AKAP6: variants seen among roughly 807,000 people sequenced by gnomAD.
The protein encoded by AKAP6 is A-kinase anchor protein 6.
A neutral mutation model predicts 188.5 loss-of-function variants in AKAP6; 58 were observed. That is an observed-to-expected ratio of 0.31 (90% CI 0.25 to 0.38). The LOEUF (loss-of-function observed/expected upper bound fraction) is 0.38. Among genes scored for constraint, AKAP6 ranks in the 10% least tolerant of loss-of-function variants. AKAP6 has a pLI of 1.00. For missense variants in AKAP6, 2,710 were observed against 2,740.0 expected, an observed-to-expected ratio of 0.99 and a Z score of 0.24; for synonymous variants, 989 against 998.6, an observed-to-expected ratio of 0.99 and a Z score of 0.18.
chr14:32,380,294 C>T (rs1478105280), intron 1 of AKAP6, among the ~76,000 whole-genome samples: 10 of 152,148 alleles, frequency 6.6e-5, no homozygotes, highest in South Asian at 4.1e-4. Context: ...GAGTTCCCAC[C>T]GGCCCCCCGT....
At chr14:32,583,708 G>A (rs1467691643) in intron 5 of AKAP6, among the ~76,000 whole-genome samples, 1 of 152,196 alleles carries the variant, frequency 6.6e-6, no homozygotes, top group Non-Finnish European at 1.5e-5. Context: ...CCTCGCTGCT[G>A]CCTTGCAGTT....
chr14:32,354,744 A>G (rs1887420680), intron 1 of AKAP6, among the ~76,000 whole-genome samples: 1 of 152,234 alleles, frequency 6.6e-6, no homozygotes, highest in African/African-American at 2.4e-5. Context: ...CAGCTCGTAA[A>G]CTAAAGCAAT....
chr14:32,404,386 G>A (rs1267215420), intron 1 of AKAP6, among the ~76,000 whole-genome samples: 1 of 151,924 alleles, frequency 6.6e-6, no homozygotes, highest in Non-Finnish European at 1.5e-5. Flanking sequence ...GAGTGCTTAT[G>A]CTAAGTGAGG....
intron 7 of AKAP6, among the ~76,000 whole-genome samples, chr14:32,625,415 G>A (rs922449803): frequency 8.6e-5 from 13 of 152,034 alleles, no homozygotes; most frequent in Admixed American, 7.9e-4. Flanking sequence ...CCATTAAGGT[G>A]TGCATAAACC....
chr14:32,483,761 G>A (rs8010211), intron 2 of AKAP6, among the ~76,000 whole-genome samples: 7,269 of 152,104 alleles, frequency 0.048, 566 homozygotes, highest in African/African-American at 0.16. Context: ...TGGGATTACA[G>A]GTGTGAGCCA....
At chr14:32,456,424 T>C (rs1262529053) in intron 2 of AKAP6, among the ~76,000 whole-genome samples, 2 of 152,138 alleles carry the variant, frequency 1.3e-5, no homozygotes, top group Non-Finnish European at 2.9e-5. Context: ...AAAACCAAAA[T>C]ACAAGCACAA....
chr14:32,440,212 G>A (rs889557434), intron 2 of AKAP6, among the ~76,000 whole-genome samples: 1 of 151,914 alleles, frequency 6.6e-6, no homozygotes, highest in Admixed American at 6.6e-5. Flanking sequence ...AGTATTCCAT[G>A]GTGTATATGT....
At position 32,416,679 on chromosome 14, in the gene AKAP6, C is replaced by T. The variant is rs527750825; in HGVS notation, c.-34-16781C>T. ...AAGTGATTCTCCTGCCTCAGCCTCT[C>T]GAGTAGCTGAGATTACAGGTGCCCA... On this transcript the variant is annotated intron_variant, in intron 1 of 13. Coordinates refer to ENST00000280979, the MANE Select transcript of AKAP6 (RefSeq NM_004274.5). 9.9e-5 allele frequency among the ~76,000 whole-genome samples: 15 copies of T among 152,118 alleles called. No homozygotes were observed. The South Asian group carries it at 1.2e-3, about 13-fold the overall frequency.
intron 9 of AKAP6, among the ~76,000 whole-genome samples, chr14:32,704,953 G>A (rs571547007): frequency 1.3e-5 from 2 of 152,130 alleles, no homozygotes; most frequent in East Asian, 1.9e-4. Context: ...GGGCTAAAAG[G>A]TACCTAGGTA....
chr14:32,565,430 A>G (rs142056138), intron 4 of AKAP6, among the ~76,000 whole-genome samples: 2 of 152,270 alleles, frequency 1.3e-5, no homozygotes, highest in East Asian at 3.9e-4. Context: ...TCATCCATCA[A>G]ATCCAATTAG....
intron 2 of AKAP6, among the ~76,000 whole-genome samples, chr14:32,486,240 C>T (rs1396151275): frequency 6.6e-6 from 1 of 152,158 alleles, no homozygotes; most frequent in African/African-American, 2.4e-5. Context: ...AGTTTGAAGT[C>T]AGGTAGTATG....
chr14:32,815,669 C>A (rs1356789352), intron 12 of AKAP6, among the ~76,000 whole-genome samples: 1 of 152,190 alleles, frequency 6.6e-6, no homozygotes, highest in Non-Finnish European at 1.5e-5. Flanking sequence ...AACCAACCTC[C>A]AGTCTTAAAC....
rs886119538 is a variant in AKAP6 at position 32,782,556 on chromosome 14, G to T, written c.3588+8663G>T. Among the ~76,000 whole-genome samples the T allele has an allele frequency of 5.3e-4, 81 of 151,998 alleles. 3 individuals carry two copies. Among genetic ancestry groups the T allele is most frequent in the Middle Eastern group, 3.4e-3 (1 of 292 alleles). On this transcript the variant is annotated intron_variant, in intron 12 of 13. Coordinates refer to ENST00000280979, the MANE Select transcript of AKAP6 (RefSeq NM_004274.5). ...AGAACAAATAAGGGAAGTTAACAAG[G>T]TTATAGGATACAAGATCAATATATA...
intron 2 of AKAP6, among the ~76,000 whole-genome samples, chr14:32,498,057 C>T (rs1880415434): frequency 6.6e-6 from 1 of 152,086 alleles, no homozygotes; most frequent in African/African-American, 2.4e-5. Context: ...TTCGATTAAT[C>T]AAGGTATAAG....
In AKAP6 at chr14:32,542,934, T is replaced by C. The variant is rs1337835792; in HGVS notation, c.577-2296T>C. Among the ~76,000 whole-genome samples the C allele has an allele frequency of 2.6e-5, 4 of 152,354 alleles. No homozygotes were observed. In the South Asian group the frequency reaches 6.2e-4, roughly 24 times the overall value. On this transcript the variant is annotated intron_variant, in intron 3 of 13. Transcript: ENST00000280979. Reference sequence around the variant, plus strand: ...TTATTATTTTTAATTGACACATGACTGCACATATTTATAGGGTACAGTGTA... The same window carrying C: ...TTATTATTTTTAATTGACACATGACCGCACATATTTATAGGGTACAGTGTA...
In AKAP6 at chr14:32,824,655, C is replaced by T; in HGVS notation, c.6842C>T (p.Ser2281Phe). 2 of 1,613,924 alleles carry T rather than the reference C, an allele frequency of 1.2e-6. No homozygotes were observed. Among genetic ancestry groups the T allele is most frequent in the Non-Finnish European group, 1.7e-6 (2 of 1,179,908 alleles). Residue 2281 changes from serine to phenylalanine, a missense_variant, in exon 13 of 14, where the codon TCC becomes TTC. By Grantham distance (155) the Ser-to-Phe change is radical. Around this residue, in one of 2 missense-constraint regions of AKAP6, gnomAD observed 2,473 missense variants for 2,426.1 expected, o/e 1.02. Coordinates refer to ENST00000280979, the MANE Select transcript of AKAP6 (RefSeq NM_004274.5). ...GCCAAATCTAAAGTTCAAGACCTCT[C>T]CTTGAAGGCAAATCAGCCAACAGAC... The part of the protein sequence containing the change: ...ASAKSKVQDL[S>F]LKANQPTDKA...
chr14:32,475,935 G>A (rs1036490772), intron 2 of AKAP6, among the ~76,000 whole-genome samples: 4 of 151,610 alleles, frequency 2.6e-5, no homozygotes, highest in South Asian at 2.1e-4. Context: ...CGCCCGCCTC[G>A]GCCTCCCAAA....
chr14:32,604,928 A>G (rs1041141413), intron 7 of AKAP6, among the ~76,000 whole-genome samples: 2 of 152,174 alleles, frequency 1.3e-5, no homozygotes, highest in Non-Finnish European at 2.9e-5. Flanking sequence ...TCACCTAGGT[A>G]TTAAGCCCAG....
chr14:32,498,787 C>A (rs536378077), intron 2 of AKAP6, among the ~76,000 whole-genome samples: 1 of 152,106 alleles, frequency 6.6e-6, no homozygotes, highest in Non-Finnish European at 1.5e-5. Context: ...GAGGACATCC[C>A]TTGGCCTCAC....
Sources: gnomAD v4.1 joint callset for allele counts (sites outside exome capture counted in the v4.1 genomes callset) on GRCh38, gnomAD v4.1.1 for gene constraint, gnomAD v4.1.1 regional missense constraint, MANE v1.5 for transcripts, NCBI Gene and HGNC (gene_info 2026-07-23, HGNC 2026-07-21) for gene names.